Variants in RBCK1 observed in about 807,000 individuals in gnomAD.
RBCK1 encodes the protein RANBP2-type and C3HC4-type zinc finger containing 1.
In RBCK1, 44 loss-of-function variants were observed where a neutral mutation model predicts 71.1. The observed-to-expected ratio is 0.62, with a 90% confidence interval of 0.49 to 0.80. The LOEUF is 0.80. Ranked by LOEUF, RBCK1 falls within the 30% of genes least tolerant of loss-of-function variation. The probability of loss-of-function intolerance (pLI) is 0.00; values close to 1 mark genes in which losing one functional copy is unlikely to be tolerated. For missense variants in RBCK1, 569 were observed against 685.0 expected, an observed-to-expected ratio of 0.83 and a Z score of 1.89; for synonymous variants, 306 against 279.7, an observed-to-expected ratio of 1.09 and a Z score of -0.94.
At chr20:411,413 G>A (rs2015698817) in intron 2 of RBCK1, among the ~76,000 whole-genome samples, 2 of 151,786 alleles carry the variant, frequency 1.3e-5, no homozygotes. Context: ...TGTCCCCCAG[G>A]CTGGAGTGCA....
intron 8 of RBCK1, among the ~76,000 whole-genome samples, chr20:423,729 C>T (rs947902913): frequency 1.3e-5 from 2 of 152,086 alleles, no homozygotes; most frequent in African/African-American, 4.8e-5. Context: ...TCTCTGGATA[C>T]CGAGGGATGA....
At chr20:419,856 T>C in intron 6 of RBCK1, 125 bp downstream of exon 6, 1 of 1,439,258 alleles carries the variant, frequency 6.9e-7, no homozygotes, top group South Asian at 1.4e-5. Flanking sequence ...ACCATGCTGC[T>C]GGCAGTGACC....
chr20:420,472 C>T (rs60715867), intron 6 of RBCK1: 70,504 of 983,814 alleles, frequency 0.072, 6,467 homozygotes, highest in African/African-American at 0.43. Context: ...TTGAGTGGCT[C>T]CACCAGCCCT....
Position 431,418 on chromosome 20 carries a change from C to T in RBCK1, c.*988C>T, listed in dbSNP as rs1396653511. ...TCGATTCAGCAGTATTTACTAGAACCCACTCTGTGCTGGTCGGAGGTTACT... is the reference window on the plus strand; with the variant it reads ...TCGATTCAGCAGTATTTACTAGAACTCACTCTGTGCTGGTCGGAGGTTACT... On this transcript the variant is annotated 3_prime_UTR_variant, in exon 12 of 12. Coordinates refer to ENST00000356286, the MANE Select transcript of RBCK1 (RefSeq NM_031229.4). The surrounding 1 kb of genome is among the most constrained non-coding windows in gnomAD (Gnocchi z 4.8). 6.6e-6 allele frequency among the ~76,000 whole-genome samples: 1 copy of T among 152,124 alleles called. No individual in the cohort carries two copies. Among genetic ancestry groups the T allele is most frequent in the Non-Finnish European group, 1.5e-5 (1 of 68,002 alleles).
chr20:422,216 T>C lies in RBCK1; in HGVS notation c.1007T>C (p.Leu336Pro). 4 of 1,613,408 alleles carry C rather than the reference T, an allele frequency of 2.5e-6. No individual in the cohort carries two copies. The highest frequency in any genetic ancestry group is 3.4e-6 in the Non-Finnish European group (4 of 1,179,888). ...IDNTYSCSGK[L>P]LEREIKALLT... Reference sequence around the variant, plus strand: ...AACACCTACTCGTGCTCGGGCAAGCTGCTGGAGAGGGAGATCAAGGCGGTA... The same window carrying C: ...AACACCTACTCGTGCTCGGGCAAGCCGCTGGAGAGGGAGATCAAGGCGGTA... The change falls in exon 8 of 12, where the codon CTG becomes CCG. Residue 336 changes from leucine to proline, a missense_variant. Transcript: ENST00000356286. This position sits in a 1 kb window ranked among gnomAD's most constrained non-coding sequence, Gnocchi z 5.0.
chr20:420,137 C>T, intron 6 of RBCK1: 1 of 985,110 alleles, frequency 1.0e-6, no homozygotes, highest in South Asian at 4.7e-5. Flanking sequence ...GCCTGCTCCA[C>T]CTCGCCGTGA....
Position 417,343 on chromosome 20 carries a change from G to A in RBCK1, c.168-183G>A, listed in dbSNP as rs1396443899. 1.4e-6 allele frequency: 1 copy of A among 738,394 alleles called. No individual in the cohort carries two copies. Among genetic ancestry groups the A allele is most frequent in the Admixed American group, 1.9e-5 (1 of 53,410 alleles). 45.7% of individuals were successfully genotyped at this position (738,394 alleles called of 1,614,324 possible). A position where few individuals can be genotyped will look rare whatever the true frequency, so the allele number is the denominator to read the frequency against. ...TGGAGCCATTGGAGGGGCCTAACTG[G>A]TGGGTTCTAATAAAGGAAGAAGCAT... On this transcript the variant is annotated intron_variant, in intron 2 of 11. Coordinates refer to ENST00000356286, the MANE Select transcript of RBCK1 (RefSeq NM_031229.4). The surrounding 1 kb of genome is among the most constrained non-coding windows in gnomAD (Gnocchi z 4.7).
At chr20:426,335 C>G (rs530917281) in intron 8 of RBCK1, among the ~76,000 whole-genome samples, 3 of 152,216 alleles carry the variant, frequency 2.0e-5, no homozygotes, top group Admixed American at 6.5e-5. Flanking sequence ...GCCATCCCCA[C>G]TCCCCTGCCA....
chr20:426,603 T>C (rs1427129855), intron 8 of RBCK1, among the ~76,000 whole-genome samples: 1 of 152,190 alleles, frequency 6.6e-6, no homozygotes, highest in Non-Finnish European at 1.5e-5. Flanking sequence ...GATACTAGTT[T>C]AATCATGTCT....
At chr20:420,259 G>T (rs1010118821) in intron 6 of RBCK1, 52 of 981,936 alleles carry the variant, frequency 5.3e-5, no homozygotes, top group Non-Finnish European at 6.2e-5. Flanking sequence ...GATGACCCCC[G>T]ACCCCGGTCC....
rs1288398482 is a variant in RBCK1 at position 408,761 on chromosome 20, G to A, written c.4G>A (p.Asp2Asn). 16 of 1,612,486 alleles carry A rather than the reference G, an allele frequency of 9.9e-6. No homozygotes were observed. The highest frequency in any genetic ancestry group is 1.3e-5 in the Non-Finnish European group (15 of 1,179,510). Residue 2 changes from aspartate to asparagine, a missense_variant, in exon 1 of 12, where the codon GAC becomes AAC. Physicochemically the swap from Asp to Asn is conservative, Grantham distance 23. Around this residue, in one of 2 missense-constraint regions of RBCK1, gnomAD observed 358 missense variants for 375.6 expected, o/e 0.95. Transcript: ENST00000356286. ...GGGATGGGCACAGCCACGCCAGATG[G>A]ACGAGAAGACCAAGAAAGGTGGGCA... The part of the protein sequence containing the change: M[D>N]EKTKKAEEMA...
intron 8 of RBCK1, among the ~76,000 whole-genome samples, chr20:426,550 G>A (rs989307453): frequency 2.6e-5 from 4 of 152,060 alleles, no homozygotes; most frequent in East Asian, 1.9e-4. Flanking sequence ...TTTTGTGGCC[G>A]AATAGTACTC....
Position 428,809 on chromosome 20 carries a change from T to G in RBCK1, c.1309-142T>G, listed in dbSNP as rs2016867996. 1.4e-6 allele frequency: 2 copies of G among 1,435,078 alleles called. No individual in the cohort carries two copies. The highest frequency in any genetic ancestry group is 5.1e-5 in the East Asian group (2 of 39,580). 88.9% of individuals were successfully genotyped at this position (1,435,078 alleles called of 1,614,324 possible). A position where few individuals can be genotyped will look rare whatever the true frequency, so the allele number is the denominator to read the frequency against. ...ACCACAGGAATGAAGAGGGGGTTGC[T>G]GGATGGAGCCTGGCCTGGCAGAGCC... On this transcript the variant is annotated intron_variant, in intron 10 of 11. Transcript: ENST00000356286. The surrounding 1 kb of genome is among the most constrained non-coding windows in gnomAD (Gnocchi z 5.7).
At chr20:410,282 T>C (rs565520412) in intron 2 of RBCK1, 1 of 657,966 alleles carries the variant, frequency 1.5e-6, no homozygotes, top group South Asian at 1.8e-5. Flanking sequence ...TTAGGCCTTA[T>C]ACAACAGAAG....
chr20:409,913 G>C lies in RBCK1; in HGVS notation c.55G>C (p.Val19Leu). The C allele has an allele frequency of 6.2e-7, 1 of 1,614,098 alleles. No homozygotes were observed. The highest frequency in any genetic ancestry group is 1.1e-5 in the South Asian group (1 of 91,084). ...AATGGCCCTGAGCCTCACCCGAGCAGTGGCGGGCGGGGATGAACAGGTGGC... is the reference window on the plus strand; with the variant it reads ...AATGGCCCTGAGCCTCACCCGAGCACTGGCGGGCGGGGATGAACAGGTGGC... ...EEMALSLTRA[V>L]AGGDEQVAMK... The change falls in exon 2 of 12, where the codon GTG (valine) becomes CTG (leucine). Residue 19 changes from valine (V) to leucine (L), a missense_variant. Transcript: ENST00000356286.
chr20:411,389 TG>T (rs2015696946), intron 2 of RBCK1, among the ~76,000 whole-genome samples: 2 of 150,952 alleles, frequency 1.3e-5, no homozygotes, highest in African/African-American at 4.9e-5. Context: ...TTCTTTGAGA[TG>T]GGAGTCTCAC....
In RBCK1 at chr20:419,590, C is replaced by T; in HGVS notation, c.615C>T (p.Ile205=). The change falls in exon 6 of 12, where the codon ATC becomes ATT. Residue 205 remains isoleucine, a synonymous_variant. Transcript: ENST00000356286. ...VGWQCPGCTF[I]NKPTRPGCEM... The stretch of plus-strand genomic sequence containing the variant: ...GGCAGTGCCCCGGGTGCACCTTCAT[C>T]AACAAGCCCACGCGGCCTGGCTGTG... 6.2e-7 allele frequency: 1 copy of T among 1,603,644 alleles called. No individual in the cohort carries two copies. Among genetic ancestry groups the T allele is most frequent in the Non-Finnish European group, 8.5e-7 (1 of 1,175,872 alleles).
rs77178231 is a variant in RBCK1, at chr20:412,224, A to G, written c.167+2199A>G. 4.9e-3 allele frequency among the ~76,000 whole-genome samples: 752 copies of G among 152,296 alleles called. 12 individuals are homozygous for G. The highest frequency in any genetic ancestry group is 0.016 in the African/African-American group (658 of 41,552). Reference sequence around the variant, plus strand: ...CTGTGGTTTTGATTTGCAATTTCCTAACCATTTGATGACAAATGATGTTAA... The same window carrying G: ...CTGTGGTTTTGATTTGCAATTTCCTGACCATTTGATGACAAATGATGTTAA... On this transcript the variant is annotated intron_variant, in intron 2 of 11. Coordinates refer to ENST00000356286, the MANE Select transcript of RBCK1 (RefSeq NM_031229.4).
At chr20:418,524 A>T (rs572166090) in intron 4 of RBCK1, among the ~76,000 whole-genome samples, 1 of 151,972 alleles carries the variant, frequency 6.6e-6, no homozygotes, top group South Asian at 2.1e-4. Context: ...GCCCGCCACC[A>T]CGCCCGGCTA....
Sources: gnomAD v4.1 joint callset for allele counts (sites outside exome capture counted in the v4.1 genomes callset) on GRCh38, gnomAD v4.1.1 for gene constraint, gnomAD v4.1.1 regional missense constraint, Gnocchi (gnomAD v3.1) non-coding constraint, MANE v1.5 for transcripts, NCBI Gene and HGNC (gene_info 2026-07-23, HGNC 2026-07-21) for gene names.